The following ARHGEF17 variants were observed in gnomAD, a reference collection of about 807,000 sequenced individuals.
ARHGEF17 encodes the protein 164 kDa Rho-specific guanine-nucleotide exchange factor.
Under a neutral mutation model 174.0 loss-of-function variants are expected in ARHGEF17, and 80 were observed. That is an observed-to-expected ratio of 0.46 (90% CI 0.38 to 0.55). The LOEUF (loss-of-function observed/expected upper bound fraction) is 0.55. ARHGEF17 is among the 20% of genes least tolerant of loss of function. The pLI, the probability that ARHGEF17 is intolerant of heterozygous loss-of-function variation, is 0.00. For synonymous variants in ARHGEF17, 1,311 were observed against 1,189.1 expected (o/e 1.10, Z -2.11); for missense variants, 2,886 against 2,839.7 (o/e 1.02, Z -0.37).
intron 1 of ARHGEF17, among the ~76,000 whole-genome samples, chr11:73,323,288 T>G (rs1231826711): frequency 6.6e-6 from 1 of 152,200 alleles, no homozygotes; most frequent in Non-Finnish European, 1.5e-5. Flanking sequence ...TCCCTCTGCC[T>G]TGGTTTCCCC....
chr11:73,356,337 G>C lies in ARHGEF17; in HGVS notation c.3826G>C (p.Glu1276Gln). The C allele has an allele frequency of 6.2e-7, 1 of 1,610,740 alleles. No individual in the cohort carries two copies. The highest frequency in any genetic ancestry group is 1.1e-5 in the South Asian group (1 of 90,996). Residue 1276 changes from glutamate (E) to glutamine (Q), a missense_variant, in exon 6 of 21, where the codon GAG becomes CAG. Physicochemically the swap from Glu to Gln is conservative, Grantham distance 29. Coordinates refer to ENST00000263674, the MANE Select transcript of ARHGEF17 (RefSeq NM_014786.4). ...GCTGCAGGAGATAGAGGCTCACATC[G>C]AGGGCATGGAGGATGTGCGTGCGCC... The part of the protein sequence containing the change: ...RVLQEIEAHI[E>Q]GMEDLQAPLR...
At chr11:73,327,314 A>G (rs1027142699) in intron 1 of ARHGEF17, among the ~76,000 whole-genome samples, 1 of 152,254 alleles carries the variant, frequency 6.6e-6, no homozygotes, top group Non-Finnish European at 1.5e-5. Flanking sequence ...CTGACAGTGG[A>G]CAGGCAGGAG....
At chr11:73,356,104 C>T (rs1865633170) in intron 5 of ARHGEF17, 71 bp from the exon 6 acceptor site, 7 of 1,586,976 alleles carry the variant, frequency 4.4e-6, no homozygotes, top group Non-Finnish European at 6.0e-6. Context: ...ACCCATAGTC[C>T]CTCCTGCTCC....
rs567095095 is a variant in ARHGEF17 at position 73,317,643 on chromosome 11, C to A, written c.3192+5813C>A. Reference sequence around the variant, plus strand: ...AAGCCCTGAAATGGGGGCCCTGGGTCCCCTGGGAAGCAGGAGCCTATTGGA... The same window carrying A: ...AAGCCCTGAAATGGGGGCCCTGGGTACCCTGGGAAGCAGGAGCCTATTGGA... On this transcript the variant is annotated intron_variant, in intron 1 of 20. Transcript: ENST00000263674. 6.3e-4 allele frequency among the ~76,000 whole-genome samples: 96 copies of A among 152,312 alleles called. 1 individual carries two copies. In the Middle Eastern group the frequency reaches 0.01, roughly 16 times the overall value.
intron 12 of ARHGEF17, among the ~76,000 whole-genome samples, 180 bp downstream of exon 12, chr11:73,361,341 A>G (rs1865734832): frequency 6.6e-6 from 1 of 152,210 alleles, no homozygotes; most frequent in African/African-American, 2.4e-5. Context: ...ACACATGTAT[A>G]TGGGTATGCT....
chr11:73,343,047 G>T, intron 1 of ARHGEF17: 1 of 288,632 alleles, frequency 3.5e-6, no homozygotes, highest in South Asian at 1.5e-4. Flanking sequence ...AGCCCTTAGG[G>T]AGCGAGAGTG....
chr11:73,367,863 C>A lies in ARHGEF17; in HGVS notation c.*83C>A. On this transcript the variant is annotated 3_prime_UTR_variant, in exon 21 of 21. Coordinates refer to ENST00000263674, the MANE Select transcript of ARHGEF17 (RefSeq NM_014786.4). ...TCCCTAGCCCACACGCAGACTTTGACCAGGAGTATCCAGCCAGGGGCACAC... is the reference window on the plus strand; with the variant it reads ...TCCCTAGCCCACACGCAGACTTTGAACAGGAGTATCCAGCCAGGGGCACAC... The A allele has an allele frequency of 7.2e-7, 1 of 1,395,206 alleles. No individual in the cohort carries two copies. The highest frequency in any genetic ancestry group is 9.8e-7 in the Non-Finnish European group (1 of 1,022,712). The allele number at this position is 1,395,206 out of a possible 1,614,324, so 86.4% of individuals were successfully genotyped here. A position where few individuals can be genotyped will look rare whatever the true frequency, so the allele number is the denominator to read the frequency against.
Position 73,346,797 on chromosome 11 carries a change from C to T in ARHGEF17, c.3193-86C>T, listed in dbSNP as rs1401519377. On this transcript the variant is annotated intron_variant, in intron 1 of 20. Coordinates refer to ENST00000263674, the MANE Select transcript of ARHGEF17 (RefSeq NM_014786.4). Reference sequence around the variant, plus strand: ...CAGGAGGGCAGGGAGAGGGTGTGGGCGGGTTCTCTGGGCACCATGTGGCTA... The same window carrying T: ...CAGGAGGGCAGGGAGAGGGTGTGGGTGGGTTCTCTGGGCACCATGTGGCTA... 5.6e-6 allele frequency: 6 copies of T among 1,080,950 alleles called. No homozygotes were observed. In the African/African-American group the frequency reaches 6.6e-5, roughly 12 times the overall value. 67.0% of individuals were successfully genotyped at this position (1,080,950 alleles called of 1,614,324 possible). A position where few individuals can be genotyped will look rare whatever the true frequency, so the allele number is the denominator to read the frequency against.
At chr11:73,342,542 G>A (rs1865386580) in intron 1 of ARHGEF17, among the ~76,000 whole-genome samples, 1 of 152,122 alleles carries the variant, frequency 6.6e-6, no homozygotes, top group South Asian at 2.1e-4. Context: ...TGTTGATGTG[G>A]GTGCACTTGG....
At chr11:73,362,786 C>G (rs757530259) in intron 14 of ARHGEF17, 52 bp downstream of exon 14, 54 of 1,561,962 alleles carry the variant, frequency 3.5e-5, no homozygotes, top group Non-Finnish European at 4.6e-5. Flanking sequence ...GGGTGGACTG[C>G]CCAGAGGAGG....
chr11:73,329,380 T>C (rs1865165426), intron 1 of ARHGEF17, among the ~76,000 whole-genome samples: 1 of 102,830 alleles, frequency 9.7e-6, no homozygotes, highest in Non-Finnish European at 1.8e-5. Context: ...TATATTTTTT[T>C]TTTTTTTTTG....
chr11:73,351,337 G>A (rs1054324266), intron 2 of ARHGEF17, among the ~76,000 whole-genome samples: 2 of 150,090 alleles, frequency 1.3e-5, no homozygotes, highest in African/African-American at 5.0e-5. Flanking sequence ...GTTTTTTTTA[G>A]CCTGCAGTTA....
chr11:73,323,696 T>C lies in ARHGEF17; in HGVS notation c.3192+11866T>C, dbSNP rs114563570. Among the ~76,000 whole-genome samples, 1,166 of 152,328 alleles carry C rather than the reference T, an allele frequency of 7.7e-3. 15 individuals are homozygous for C. Among genetic ancestry groups the C allele is most frequent in the African/African-American group, 0.025 (1,022 of 41,580 alleles). On this transcript the variant is annotated intron_variant, in intron 1 of 20. Coordinates refer to ENST00000263674, the MANE Select transcript of ARHGEF17 (RefSeq NM_014786.4). ...CTTCTCCCCAAGGCCAGCGGGGGCG[T>C]TGCCTGGGGCGGGTGAGGAATTTCC...
chr11:73,308,719 G>A lies in ARHGEF17; in HGVS notation c.81G>A (p.Gly27=). The stretch of plus-strand genomic sequence containing the variant: ...TGGAGCGCTGGAGCGGCGGCCCCGG[G>A]CTGAGGGAGGAGGACACGGACACCC... ...KLLERWSGGP[G]LREEDTDTPG... is the part of the protein sequence containing the mutation. Residue 27 remains glycine (G), a synonymous_variant, in exon 1 of 21, where the codon GGG becomes GGA. Coordinates refer to ENST00000263674, the MANE Select transcript of ARHGEF17 (RefSeq NM_014786.4). 6.6e-7 allele frequency: 1 copy of A among 1,513,514 alleles called. No homozygotes were observed. The allele number at this position is 1,513,514 out of a possible 1,614,324, so 93.8% of individuals were successfully genotyped here. A position where few individuals can be genotyped will look rare whatever the true frequency, so the allele number is the denominator to read the frequency against.
At chr11:73,349,516 TGAGGCAGGAGAATAGCTTGAACCCGG>T (rs1201220750) in intron 2 of ARHGEF17, among the ~76,000 whole-genome samples, 1 of 152,066 alleles carries the variant, frequency 6.6e-6, no homozygotes, top group Non-Finnish European at 1.5e-5. Context: ...CTCCAGAGGC[TGAGGCAGGAGAATAGCTTGAACCCGG>T]GAGGCAGAGG....
chr11:73,332,350 CGTGTGTGTGTGTGTGTGTGT>C (rs58725771), intron 1 of ARHGEF17, among the ~76,000 whole-genome samples: 2,258 of 120,750 alleles, frequency 0.019, 53 homozygotes, highest in African/African-American at 0.057. Context: ...GCTTTTTCTC[CGTGTGTGTGTGTGTGTGTGT>C]GTGTGTGTGT....
rs947837 is a variant in ARHGEF17 at position 73,369,360 on chromosome 11, A to G, written c.*1580A>G. On this transcript the variant is annotated 3_prime_UTR_variant, in exon 21 of 21. Transcript: ENST00000263674. ...TCCCTTGCAGATGACATGTAAATGC[A>G]GAAACATGATTCGTAACTTATTTAC... The G allele has an allele frequency of 0.31, 47,054 of 152,116 alleles. 8,367 individuals carry two copies. The highest frequency in any genetic ancestry group is 0.49 in the African/African-American group (20,197 of 41,462). The allele number at this position is 152,116 out of a possible 1,614,324, so 9.4% of individuals were successfully genotyped here.
chr11:73,311,027 C>T lies in ARHGEF17; in HGVS notation c.2389C>T (p.Gln797Ter). 6.2e-7 allele frequency: 1 copy of T among 1,614,146 alleles called. No individual in the cohort carries two copies. The highest frequency in any genetic ancestry group is 8.5e-7 in the Non-Finnish European group (1 of 1,180,024). Residue 797 changes from glutamine (Q) to a stop codon, truncating the protein, a stop_gained, in exon 1 of 21, where the codon CAG (glutamine) becomes TAG (stop). Coordinates refer to ENST00000263674, the MANE Select transcript of ARHGEF17 (RefSeq NM_014786.4). LOFTEE classifies it high-confidence loss of function. ...GGGCAGTGAAGAGAGCAAGGGATAT[C>T]AGGAGGTTATTCAGAGCATAGTTCA... is the stretch of plus-strand genomic sequence containing the variant. ...SVGSEESKGY[Q>*]EVIQSIVQGP...
chr11:73,361,287 A>G (rs1475376460), intron 12 of ARHGEF17, 126 bp downstream of exon 12: 4 of 848,588 alleles, frequency 4.7e-6, no homozygotes, highest in Non-Finnish European at 5.7e-6. Flanking sequence ...TGGAGAATTC[A>G]GCTCTCTGTA....
Sources: allele counts gnomAD v4.1 joint callset (sites outside exome capture counted in the v4.1 genomes callset), GRCh38; gene constraint gnomAD v4.1.1; transcripts MANE v1.5; gene names NCBI Gene and HGNC (gene_info 2026-07-23, HGNC 2026-07-21).